The following TLK2 variants were observed in gnomAD, a reference collection of about 807,000 sequenced individuals.
The protein encoded by TLK2 is tousled like kinase 2, also known as serine/threonine-protein kinase tousled-like 2.
TLK2 carries 6 observed loss-of-function variants against 117.3 expected under a neutral mutation model. The observed-to-expected ratio is 0.05, with a 90% CI of 0.03 to 0.10. The LOEUF (loss-of-function observed/expected upper bound fraction) is 0.10. TLK2 is among the 10% of genes least tolerant of loss of function. The probability of loss-of-function intolerance (pLI) is 1.00; values close to 1 mark genes in which losing one functional copy is unlikely to be tolerated. For missense variants in TLK2, 299 were observed against 901.2 expected (o/e 0.33, Z 8.56); for synonymous variants, 257 against 316.7 (o/e 0.81, Z 2.00).
At chr17:62,540,399 A>G (rs1344651352) in intron 7 of TLK2, among the ~76,000 whole-genome samples, 73 of 13,380 alleles carry the variant, frequency 5.5e-3, no homozygotes, top group Non-Finnish European at 0.03. Flanking sequence ...ATATGTTCAG[A>G]ATTTTTTTTT....
intron 2 of TLK2, among the ~76,000 whole-genome samples, chr17:62,494,744 A>G (rs1598192700): frequency 6.6e-6 from 1 of 152,338 alleles, no homozygotes; most frequent in Non-Finnish European, 1.5e-5. Flanking sequence ...TAATCAGACA[A>G]ACAGGGACTC....
intron 6 of TLK2, among the ~76,000 whole-genome samples, chr17:62,525,395 T>C (rs369200707): frequency 4.6e-5 from 7 of 152,234 alleles, no homozygotes; most frequent in Admixed American, 2.6e-4. Context: ...GTTAAACTTA[T>C]GAAAACAACT....
chr17:62,532,432 G>A (rs967755220), intron 6 of TLK2, among the ~76,000 whole-genome samples: 1 of 152,008 alleles, frequency 6.6e-6, no homozygotes, highest in African/African-American at 2.4e-5. Context: ...CTGGAGCCTG[G>A]GTTTAAACTG....
chr17:62,513,656 C>T (rs1474459985), intron 2 of TLK2, among the ~76,000 whole-genome samples: 1 of 151,930 alleles, frequency 6.6e-6, no homozygotes, highest in African/African-American at 2.4e-5. Flanking sequence ...TGTAAAAAAT[C>T]AGTTGGATAT....
chr17:62,517,994 G>A (rs533490846), intron 2 of TLK2, among the ~76,000 whole-genome samples: 4 of 152,296 alleles, frequency 2.6e-5, no homozygotes, highest in African/African-American at 4.8e-5. Flanking sequence ...CATTGCGTCC[G>A]GCATGTAGTA....
intron 6 of TLK2, among the ~76,000 whole-genome samples, chr17:62,529,954 G>A (rs1200819491): frequency 2.0e-5 from 3 of 151,956 alleles, no homozygotes; most frequent in Non-Finnish European, 4.4e-5. Flanking sequence ...TAGCACTTTG[G>A]GAGACCTGGG....
At chr17:62,574,523 G>GTTTT in intron 12 of TLK2, 1 of 528,320 alleles carries the variant, frequency 1.9e-6, no homozygotes, top group Non-Finnish European at 3.4e-6. Flanking sequence ...TGTTGTTGTT[G>GTTTT]TTTTTTTTTT....
intron 11 of TLK2, among the ~76,000 whole-genome samples, chr17:62,565,832 C>T (rs1463045112): frequency 1.3e-5 from 2 of 151,956 alleles, no homozygotes; most frequent in South Asian, 4.2e-4. Context: ...GTGAAAGGAC[C>T]TGAGAAAGAA....
At chr17:62,568,968 C>T (rs553326384) in intron 11 of TLK2, among the ~76,000 whole-genome samples, 2 of 152,218 alleles carry the variant, frequency 1.3e-5, no homozygotes, top group South Asian at 2.1e-4. Context: ...TTTCACAGCT[C>T]CCAGTTTATA....
chr17:62,561,421 A>G (rs1167232002), intron 10 of TLK2, among the ~76,000 whole-genome samples: 1 of 152,256 alleles, frequency 6.6e-6, no homozygotes, highest in Non-Finnish European at 1.5e-5. Flanking sequence ...CATGTTGGCC[A>G]GGCTGGGCTT....
intron 2 of TLK2, among the ~76,000 whole-genome samples, chr17:62,515,896 G>A (rs1255960964): frequency 6.6e-6 from 1 of 152,006 alleles, no homozygotes; most frequent in African/African-American, 2.4e-5. Flanking sequence ...AGAAATCATT[G>A]CTAAATTCAA....
rs1052146979 is a variant in TLK2 at position 62,613,618 on chromosome 17, G to A, written c.*1053G>A. ...CATAGTCTTTGTGTGCTTGCTAAAT[G>A]GTGTACATTTCTTGTTAACCACGTT... On this transcript the variant is annotated 3_prime_UTR_variant, in exon 22 of 22. Transcript: ENST00000346027. 2.6e-5 allele frequency: 4 copies of A among 152,370 alleles called. No homozygotes were observed. The highest frequency in any genetic ancestry group is 9.6e-5 in the African/African-American group (4 of 41,524). The allele number at this position is 152,370 out of a possible 1,614,324, so 9.4% of individuals were successfully genotyped here.
chr17:62,516,896 C>T (rs972939726), intron 2 of TLK2: 10 of 648,714 alleles, frequency 1.5e-5, no homozygotes, highest in African/African-American at 1.3e-4. Flanking sequence ...TTTGCATGTA[C>T]ATATCCAGTT....
chr17:62,498,168 T>G (rs1450032737), intron 2 of TLK2, among the ~76,000 whole-genome samples: 1 of 152,198 alleles, frequency 6.6e-6, no homozygotes, highest in Non-Finnish European at 1.5e-5. Context: ...TACATTAAAT[T>G]CTGCAAGTAC....
At position 62,608,312 on chromosome 17, in the gene TLK2, A is replaced by G. The variant is rs533121601; in HGVS notation, c.2079+164A>G. Among the ~76,000 whole-genome samples, 3 of 152,336 alleles carry G rather than the reference A, an allele frequency of 2.0e-5. No individual in the cohort carries two copies. The South Asian group carries it at 6.2e-4, about 32-fold the overall frequency. ...TCCTAAGAACACTTGACAGAAGAAC[A>G]TTGCTTACACCCTGACCACCCCATC... is the stretch of plus-strand genomic sequence containing the variant. On this transcript the variant is annotated intron_variant, in intron 21 of 21. Coordinates refer to ENST00000346027, the MANE Select transcript of TLK2 (RefSeq NM_006852.6).
At chr17:62,534,501 T>A (rs2076975534) in intron 6 of TLK2, among the ~76,000 whole-genome samples, 2 of 152,234 alleles carry the variant, frequency 1.3e-5, no homozygotes, top group African/African-American at 4.8e-5. Context: ...GAATCTGCTT[T>A]TCCTTCTGTT....
intron 6 of TLK2, among the ~76,000 whole-genome samples, chr17:62,531,368 C>T (rs900964290): frequency 1.3e-5 from 2 of 152,082 alleles, no homozygotes; most frequent in African/African-American, 4.8e-5. Flanking sequence ...GCTATTAGCT[C>T]TATTGAATTG....
Position 62,576,750 on chromosome 17 carries a change from A to G in TLK2, c.1163A>G (p.Lys388Arg), listed in dbSNP as rs532406707. Residue 388 changes from lysine (K) to arginine (R), a missense_variant, in exon 13 of 22, where the codon AAA (lysine) becomes AGA (arginine). Physicochemically the swap from Lys to Arg is conservative, Grantham distance 26. This residue lies in a region of TLK2 where 94 missense variants were observed against 282.6 expected (regional missense o/e 0.33). Coordinates refer to ENST00000346027, the MANE Select transcript of TLK2 (RefSeq NM_006852.6). ...TACCATGAACAAGAAGAAATCTTCA[A>G]ACTCAGATTAGGTCATCTTAAAAAG... The part of the protein sequence containing the change: ...AEYHEQEEIF[K>R]LRLGHLKKEE... The G allele has an allele frequency of 3.4e-5, 55 of 1,613,414 alleles. No homozygotes were observed. In the South Asian group the frequency reaches 5.2e-4, roughly 15 times the overall value.
chr17:62,594,516 G>C (rs1477381166), intron 16 of TLK2, among the ~76,000 whole-genome samples: 5 of 152,248 alleles, frequency 3.3e-5, no homozygotes, highest in African/African-American at 1.2e-4. Flanking sequence ...TTTTACCATA[G>C]GCTAATTGAC....
Sources: gnomAD v4.1 joint callset for allele counts (sites outside exome capture counted in the v4.1 genomes callset) on GRCh38, gnomAD v4.1.1 for gene constraint, gnomAD v4.1.1 regional missense constraint, MANE v1.5 for transcripts, NCBI Gene and HGNC (gene_info 2026-07-23, HGNC 2026-07-21) for gene names.